Variants in PADI1 observed in about 807,000 individuals in gnomAD.
The protein encoded by PADI1 is protein-arginine deiminase type-1.
In PADI1, 65 loss-of-function variants were observed where a neutral mutation model predicts 74.8. That is an observed-to-expected ratio of 0.87 (90% CI 0.71 to 1.07). The LOEUF is 1.07. PADI1 is among the 50% of genes least tolerant of loss of function. The pLI, the probability that PADI1 is intolerant of heterozygous loss-of-function variation, is 0.00. For missense variants in PADI1, 943 were observed against 854.0 expected, an observed-to-expected ratio of 1.10 and a Z score of -1.30; for synonymous variants, 371 against 336.2, an observed-to-expected ratio of 1.10 and a Z score of -1.13.
chr1:17,216,243 G>A (rs1249735263), intron 1 of PADI1, among the ~76,000 whole-genome samples: 1 of 152,214 alleles, frequency 6.6e-6, no homozygotes, highest in African/African-American at 2.4e-5. Context: ...CCCTCTGGCT[G>A]CTATGTTGAA....
Position 17,226,073 on chromosome 1 carries a change from C to T in PADI1, c.567C>T (p.Gly189=). 1 of 1,614,132 alleles carries T rather than the reference C, an allele frequency of 6.2e-7. No homozygotes were observed. The highest frequency in any genetic ancestry group is 1.1e-5 in the South Asian group (1 of 91,076). ...CCCCAATGCTGCTGAGCTGCAATGGCCCCGACAAGCTCTTCGACAGCCACA... is the reference window on the plus strand; with the variant it reads ...CCCCAATGCTGCTGAGCTGCAATGGTCCCGACAAGCTCTTCGACAGCCACA... The part of the protein sequence containing the change: ...DMSPMLLSCN[G]PDKLFDSHKL... The change falls in exon 6 of 16, where the codon GGC becomes GGT. Residue 189 remains glycine, a synonymous_variant. Transcript: ENST00000375471.
chr1:17,215,390 A>G (rs2100417508), intron 1 of PADI1, among the ~76,000 whole-genome samples: 1 of 130,222 alleles, frequency 7.7e-6, no homozygotes, highest in East Asian at 1.9e-4. Flanking sequence ...CATCATCATC[A>G]TCATCGTCAT....
At position 17,228,842 on chromosome 1, in the gene PADI1, G is replaced by A. The variant is rs1229020598; in HGVS notation, c.825+45G>A. 5 of 1,607,258 alleles carry A rather than the reference G, an allele frequency of 3.1e-6. No homozygotes were observed. In the Admixed American group the frequency reaches 5.0e-5, roughly 16 times the overall value. ...GTGGCCAAGGAGGCTGAGGGGTTTG[G>A]GGGCCCAGTTTGCAGGCTCCAGGGC... On this transcript the variant is annotated intron_variant, in intron 7 of 15. Coordinates refer to ENST00000375471, the MANE Select transcript of PADI1 (RefSeq NM_013358.3).
chr1:17,241,875 G>T, intron 15 of PADI1, among the ~76,000 whole-genome samples: 1 of 147,624 alleles, frequency 6.8e-6, no homozygotes, highest in East Asian at 2.0e-4. Context: ...TCGGAATCGG[G>T]ATGGAATCAG....
At chr1:17,214,360 C>T (rs1261201743) in intron 1 of PADI1, among the ~76,000 whole-genome samples, 2 of 152,080 alleles carry the variant, frequency 1.3e-5, no homozygotes, top group Non-Finnish European at 2.9e-5. Flanking sequence ...ATGACTTGGC[C>T]CAGCAGAGAT....
At chr1:17,233,149 C>G (rs2072543988) in intron 11 of PADI1, among the ~76,000 whole-genome samples, 179 bp downstream of exon 11, 1 of 152,224 alleles carries the variant, frequency 6.6e-6, no homozygotes, top group Non-Finnish European at 1.5e-5. Flanking sequence ...ATCAGAGAAT[C>G]TTAGGAGAAA....
At chr1:17,243,612 C>T (rs1441663198) in intron 15 of PADI1, among the ~76,000 whole-genome samples, 1 of 152,234 alleles carries the variant, frequency 6.6e-6, no homozygotes, top group Non-Finnish European at 1.5e-5. Flanking sequence ...AAGACATCCA[C>T]ACCACAGACC....
At position 17,205,239 on chromosome 1, in the gene PADI1, C is replaced by G; in HGVS notation, c.22C>G (p.Gln8Glu). 6.2e-7 allele frequency: 1 copy of G among 1,614,028 alleles called. No homozygotes were observed. The highest frequency in any genetic ancestry group is 8.5e-7 in the Non-Finnish European group (1 of 1,179,940). Residue 8 changes from glutamine to glutamate, a missense_variant, in exon 1 of 16, where the codon CAG becomes GAG. Gln to Glu is a conservative substitution (Grantham distance 29). Transcript: ENST00000375471. MAPKRVV[Q>E]LSLKMPTHAV... ...CAGGATGGCCCCAAAGAGAGTTGTG[C>G]AGCTGTCCCTGAAGATGCCTACCCA...
At chr1:17,218,442 A>G (rs1187023157) in intron 1 of PADI1, among the ~76,000 whole-genome samples, 1 of 152,098 alleles carries the variant, frequency 6.6e-6, no homozygotes, top group African/African-American at 2.4e-5. Context: ...CAGCAAAGGC[A>G]TTAGAGGAAA....
rs2072846164 is a variant in PADI1 at position 17,244,548 on chromosome 1, G to A, written c.*305G>A. 1 of 480,442 alleles carries A rather than the reference G, an allele frequency of 2.1e-6. No individual in the cohort carries two copies. Among genetic ancestry groups the A allele is most frequent in the East Asian group, 5.4e-5 (1 of 18,662 alleles). 29.8% of individuals were successfully genotyped at this position (480,442 alleles called of 1,614,324 possible). The stretch of plus-strand genomic sequence containing the variant: ...ATGGCTGTGGGAGGCCTAGGGAGAT[G>A]GGCCCCACTTAGAATTGCTCCCCCT... On this transcript the variant is annotated 3_prime_UTR_variant, in exon 16 of 16. Coordinates refer to ENST00000375471, the MANE Select transcript of PADI1 (RefSeq NM_013358.3).
intron 15 of PADI1, 32 bp from the exon 16 acceptor site, chr1:17,243,978 A>C: frequency 6.7e-7 from 1 of 1,500,214 alleles, no homozygotes; most frequent in Non-Finnish European, 9.2e-7. Context: ...TTATAGCCAG[A>C]CAGCCTCCCT....
chr1:17,232,760 C>T (rs1395675518), intron 10 of PADI1, 59 bp from the exon 11 acceptor site: 8 of 1,506,490 alleles, frequency 5.3e-6, no homozygotes, highest in South Asian at 3.8e-5. Flanking sequence ...AGAACTGCCT[C>T]GTCCTGTCCT....
intron 4 of PADI1, 62 bp from the exon 5 acceptor site, chr1:17,225,749 T>C: frequency 8.3e-7 from 1 of 1,204,760 alleles, no homozygotes; most frequent in African/African-American, 1.5e-5. Context: ...TGGCCATGTC[T>C]AGAACCCCTT....
In PADI1 at chr1:17,232,865, C is replaced by G. The variant is rs2072533382; in HGVS notation, c.1208C>G (p.Pro403Arg). The G allele has an allele frequency of 6.2e-7, 1 of 1,613,374 alleles. No homozygotes were observed. The highest frequency in any genetic ancestry group is 8.5e-7 in the Non-Finnish European group (1 of 1,179,860). ...YVTREIPLPG[P>R]SSLDSFGNLD... ...ACCCGGGAGATCCCGCTCCCTGGTC[C>G]CTCCAGCCTTGACTCCTTCGGCAAC... is the stretch of plus-strand genomic sequence containing the variant. The change falls in exon 11 of 16, where the codon CCC (proline) becomes CGC (arginine). Residue 403 changes from proline to arginine, a missense_variant. Transcript: ENST00000375471.
chr1:17,215,850 G>T (rs1158530384), intron 1 of PADI1, among the ~76,000 whole-genome samples: 1 of 152,248 alleles, frequency 6.6e-6, no homozygotes, highest in African/African-American at 2.4e-5. Context: ...TAGAGGGAGA[G>T]ACTGCAATGA....
At chr1:17,217,724 A>G (rs755972034) in intron 1 of PADI1, among the ~76,000 whole-genome samples, 10 of 152,332 alleles carry the variant, frequency 6.6e-5, no homozygotes, top group Non-Finnish European at 1.2e-4. Context: ...TCTGAGTCCA[A>G]TGATGTTGGG....
intron 4 of PADI1, among the ~76,000 whole-genome samples, chr1:17,224,782 G>A (rs996826055): frequency 6.6e-6 from 1 of 152,030 alleles, no homozygotes; most frequent in Non-Finnish European, 1.5e-5. Flanking sequence ...GTGACAGAAG[G>A]CAAGGAGAAG....
chr1:17,230,875 C>T (rs916740978), intron 10 of PADI1, among the ~76,000 whole-genome samples, 196 bp downstream of exon 10: 8 of 152,192 alleles, frequency 5.3e-5, no homozygotes, highest in Admixed American at 5.2e-4. Flanking sequence ...ATGCAAATCA[C>T]ATGCAAATAG....
At chr1:17,228,503 G>T in intron 6 of PADI1, 122 bp from the exon 7 acceptor site, 1 of 922,248 alleles carries the variant, frequency 1.1e-6, no homozygotes, top group Non-Finnish European at 1.7e-6. Context: ...CAGCTTGCAC[G>T]TGGCAGAGCC....
Sources: gnomAD v4.1 joint callset for allele counts (sites outside exome capture counted in the v4.1 genomes callset) on GRCh38, gnomAD v4.1.1 for gene constraint, MANE v1.5 for transcripts, NCBI Gene and HGNC (gene_info 2026-07-23, HGNC 2026-07-21) for gene names.